Variants in NWD2 observed in about 807,000 individuals in gnomAD.
The protein encoded by NWD2 is NACHT and WD repeat domain-containing protein 2.
NWD2 carries 37 observed loss-of-function variants against 132.7 expected under a neutral mutation model. That is an observed-to-expected ratio of 0.28 (90% CI 0.21 to 0.37). The LOEUF is 0.37. Among genes scored for constraint, NWD2 ranks in the 10% least tolerant of loss-of-function variants. The pLI is 1.00. For synonymous variants in NWD2, 705 were observed against 803.0 expected (o/e 0.88, Z 2.06); for missense variants, 1,592 against 2,122.4 (o/e 0.75, Z 4.91).
At chr4:37,245,549 CTTTT>C (rs34994440) in intron 1 of NWD2, among the ~76,000 whole-genome samples, 1 of 145,516 alleles carries the variant, frequency 6.9e-6, no homozygotes. Context: ...GTCCCCCGCC[CTTTT>C]TTTTTTTTTT....
intron 1 of NWD2, among the ~76,000 whole-genome samples, chr4:37,247,250 A>G (rs1717262461): frequency 6.6e-6 from 1 of 152,236 alleles, no homozygotes; most frequent in South Asian, 2.1e-4. Context: ...GTGAAGCCTT[A>G]AAATCTTGGT....
intron 3 of NWD2, among the ~76,000 whole-genome samples, chr4:37,426,978 C>T (rs1712027059): frequency 6.6e-6 from 1 of 151,930 alleles, no homozygotes; most frequent in Non-Finnish European, 1.5e-5. Flanking sequence ...TTTCTGTTCT[C>T]TCTCTTTTTT....
chr4:37,375,505 G>A (rs1285356293), intron 3 of NWD2, among the ~76,000 whole-genome samples: 1 of 151,780 alleles, frequency 6.6e-6, no homozygotes, highest in Admixed American at 6.6e-5. Flanking sequence ...ACTTGCCCAA[G>A]GTTGCCAAGC....
chr4:37,421,037 G>T (rs1467243930), intron 3 of NWD2, among the ~76,000 whole-genome samples: 1 of 152,054 alleles, frequency 6.6e-6, no homozygotes, highest in East Asian at 1.9e-4. Context: ...TGCCTCCTGA[G>T]TCCACGCCAT....
intron 1 of NWD2, among the ~76,000 whole-genome samples, chr4:37,250,438 C>T (rs1213699668): frequency 6.6e-6 from 1 of 152,172 alleles, no homozygotes; most frequent in Non-Finnish European, 1.5e-5. Flanking sequence ...GCTGTGATTT[C>T]TTGAGCAAGT....
chr4:37,370,384 A>G (rs1025524070), intron 3 of NWD2, among the ~76,000 whole-genome samples: 4 of 152,190 alleles, frequency 2.6e-5, no homozygotes, highest in African/African-American at 7.2e-5. Flanking sequence ...CAGCAATATT[A>G]TATATAACTT....
intron 1 of NWD2, among the ~76,000 whole-genome samples, chr4:37,278,906 AC>A (rs1718076589): frequency 6.6e-6 from 1 of 152,110 alleles, no homozygotes; most frequent in Non-Finnish European, 1.5e-5. Context: ...AGCATACTCA[AC>A]CCCCTGTAGA....
intron 1 of NWD2, among the ~76,000 whole-genome samples, chr4:37,320,311 T>A (rs1446376896): frequency 1.3e-5 from 2 of 152,216 alleles, no homozygotes; most frequent in Admixed American, 1.3e-4. Flanking sequence ...AGATAGAACT[T>A]AGCTAGAAGA....
intron 4 of NWD2, 67 bp from the exon 5 acceptor site, chr4:37,433,809 C>T: frequency 7.7e-7 from 1 of 1,300,618 alleles, no homozygotes; most frequent in Non-Finnish European, 1.0e-6. Context: ...TAGAAATTTT[C>T]TTGTTCTTAA....
At chr4:37,284,489 G>A (rs1164435919) in intron 1 of NWD2, among the ~76,000 whole-genome samples, 1 of 152,166 alleles carries the variant, frequency 6.6e-6, no homozygotes, top group East Asian at 1.9e-4. Context: ...CCCATCTTGA[G>A]GGACCCTCAT....
At chr4:37,349,055 G>A (rs1719710592) in intron 2 of NWD2, among the ~76,000 whole-genome samples, 1 of 151,904 alleles carries the variant, frequency 6.6e-6, no homozygotes, top group African/African-American at 2.4e-5. Flanking sequence ...GTATATATGT[G>A]CCACATTTTC....
chr4:37,248,905 G>A (rs916262375), intron 1 of NWD2, among the ~76,000 whole-genome samples: 2 of 152,244 alleles, frequency 1.3e-5, no homozygotes, highest in Non-Finnish European at 2.9e-5. Context: ...AGATTTTGAG[G>A]AAAAATACTT....
chr4:37,291,284 C>A (rs2109272278), intron 1 of NWD2, among the ~76,000 whole-genome samples: 1 of 152,090 alleles, frequency 6.6e-6, no homozygotes, highest in East Asian at 1.9e-4. Flanking sequence ...CTAAGGATTG[C>A]TGTGGGACTT....
intron 1 of NWD2, among the ~76,000 whole-genome samples, chr4:37,265,671 A>G (rs1461914397): frequency 1.3e-5 from 2 of 151,860 alleles, no homozygotes; most frequent in African/African-American, 2.4e-5. Context: ...TTCCACTGCC[A>G]CATTTCCTTC....
rs142969888 is a variant in NWD2, at chr4:37,441,122, T to G, written c.1296+1732T>G. ...AAGTCCATAGGAAGTCTAATTTGCT[T>G]TTTCTTAATCTATCAAGCCCAGCTG... On this transcript the variant is annotated intron_variant, in intron 6 of 6. Transcript: ENST00000309447. 8.5e-5 allele frequency among the ~76,000 whole-genome samples: 13 copies of G among 152,326 alleles called. No individual in the cohort carries two copies. In the East Asian group the frequency reaches 2.5e-3, roughly 29 times the overall value.
rs1177280505 is a variant in NWD2, at chr4:37,347,126, AT to A, written c.241-9233del. Among the ~76,000 whole-genome samples, 6 of 152,086 alleles carry A rather than the reference AT, an allele frequency of 3.9e-5. No homozygotes were observed. The East Asian group carries it at 7.7e-4, about 20-fold the overall frequency. ...TTCCACAAATTTGTAAATTTCCTAA[AT>A]TTTTTTGTATGATTGATTTATAATT... is the stretch of plus-strand genomic sequence containing the variant. On this transcript the variant is annotated intron_variant, in intron 2 of 6. Transcript: ENST00000309447.
intron 1 of NWD2, among the ~76,000 whole-genome samples, chr4:37,296,177 C>G (rs1290771334): frequency 1.3e-5 from 2 of 152,148 alleles, no homozygotes; most frequent in African/African-American, 2.4e-5. Flanking sequence ...CACGTGGCCC[C>G]CAAGCTTAGT....
intron 1 of NWD2, among the ~76,000 whole-genome samples, chr4:37,248,549 C>T (rs1309720443): frequency 6.6e-6 from 1 of 152,164 alleles, no homozygotes; most frequent in Non-Finnish European, 1.5e-5. Flanking sequence ...CTTCATCAAT[C>T]CTTGGAAGTT....
At chr4:37,285,842 A>G (rs920120665) in intron 1 of NWD2, among the ~76,000 whole-genome samples, 1 of 152,236 alleles carries the variant, frequency 6.6e-6, no homozygotes, top group Non-Finnish European at 1.5e-5. Context: ...AATAGGGAGT[A>G]TCACTATTCC....
Sources: gnomAD v4.1 joint callset for allele counts (sites outside exome capture counted in the v4.1 genomes callset) on GRCh38, gnomAD v4.1.1 for gene constraint, MANE v1.5 for transcripts, NCBI Gene and HGNC (gene_info 2026-07-23, HGNC 2026-07-21) for gene names.